PLCG1: variants seen among roughly 807,000 people sequenced by gnomAD.
The protein encoded by PLCG1 is phospholipase C gamma 1.
Under a neutral mutation model 177.8 loss-of-function variants are expected in PLCG1, and 71 were observed. The ratio of observed to expected loss-of-function variants is 0.40; its 90% CI spans 0.33 to 0.49. The LOEUF (loss-of-function observed/expected upper bound fraction) is 0.49. Ranked by LOEUF, PLCG1 falls within the 20% of genes least tolerant of loss-of-function variation. The pLI is 0.72. For synonymous variants in PLCG1, 658 were observed against 647.9 expected (o/e 1.02, Z -0.24); for missense variants, 1,281 against 1,709.0 (o/e 0.75, Z 4.42).
rs1041651989 is a variant in PLCG1, at chr20:41,157,043, G to A, written c.218-2563G>A. 2.6e-5 allele frequency among the ~76,000 whole-genome samples: 4 copies of A among 152,260 alleles called. No homozygotes were observed. Among genetic ancestry groups the A allele is most frequent in the African/African-American group, 7.2e-5 (3 of 41,472 alleles). On this transcript the variant is annotated intron_variant, in intron 1 of 31. Coordinates refer to ENST00000685551, the MANE Select transcript of PLCG1 (RefSeq NM_002660.3). The surrounding 1 kb of genome is among the most constrained non-coding windows in gnomAD (Gnocchi z 5.4). ...CAGGGCCAGGCTGGTGCCTTCTTAC[G>A]GAAGACAGTACAAGGGATCAGGTGT...
In PLCG1 at chr20:41,163,282, C is replaced by T. The variant is rs35029737; in HGVS notation, c.789+7C>T. 8.3e-4 allele frequency: 1,306 copies of T among 1,574,148 alleles called. 19 individuals are homozygous for T. The African/African-American group carries it at 0.016, about 19-fold the overall frequency. On this transcript the variant is annotated splice_region_variant and intron_variant, in intron 8 of 31. Transcript: ENST00000685551. The surrounding 1 kb of genome is among the most constrained non-coding windows in gnomAD (Gnocchi z 5.2). ...CCTTCTTGACTACCAGGGGGTATGGCTGGGCTGACATTGGCCCAGGCTGGT... is the reference window on the plus strand; with the variant it reads ...CCTTCTTGACTACCAGGGGGTATGGTTGGGCTGACATTGGCCCAGGCTGGT...
In PLCG1 at chr20:41,162,636, A is replaced by AT. The variant is rs1568743537; in HGVS notation, c.598-5dup. ...CTGACTGGCACTCCTGCTCTATACC[A>AT]TGCAGGACCTGGAGCAGCGCAGCGG... On this transcript the variant is annotated splice_region_variant and splice_polypyrimidine_tract_variant and intron_variant, in intron 5 of 31. Coordinates refer to ENST00000685551, the MANE Select transcript of PLCG1 (RefSeq NM_002660.3). 2 of 1,612,142 alleles carry AT rather than the reference A, an allele frequency of 1.2e-6. No homozygotes were observed. The highest frequency in any genetic ancestry group is 2.2e-5 in the South Asian group (2 of 91,012).
rs2035151552 is a variant in PLCG1 at position 41,151,027 on chromosome 20, A to G, written c.218-8579A>G. ...TGCCCGATAAATGTTTGATCAGATG[A>G]TGGAATGAATGACTGCATAAGCCGA... On this transcript the variant is annotated intron_variant, in intron 1 of 31. Transcript: ENST00000685551. The surrounding 1 kb of genome is among the most constrained non-coding windows in gnomAD (Gnocchi z 5.5). 6.6e-6 allele frequency among the ~76,000 whole-genome samples: 1 copy of G among 152,204 alleles called. No homozygotes were observed. Among genetic ancestry groups the G allele is most frequent in the Admixed American group, 6.5e-5 (1 of 15,282 alleles).
In PLCG1 at chr20:41,153,591, C is replaced by G. The variant is rs529383314; in HGVS notation, c.218-6015C>G. 6.6e-6 allele frequency among the ~76,000 whole-genome samples: 1 copy of G among 152,152 alleles called. No individual in the cohort carries two copies. Among genetic ancestry groups the G allele is most frequent in the African/African-American group, 2.4e-5 (1 of 41,410 alleles). On this transcript the variant is annotated intron_variant, in intron 1 of 31. Transcript: ENST00000685551. The surrounding 1 kb of genome is among the most constrained non-coding windows in gnomAD (Gnocchi z 5.1). ...GCGTATGCACTTTATAAAGGGAAAA[C>G]CCTCTCTGAAGAGAAATATTTCAGA...
At chr20:41,139,509 G>A (rs1006503637) in intron 1 of PLCG1, among the ~76,000 whole-genome samples, 2 of 152,138 alleles carry the variant, frequency 1.3e-5, no homozygotes, top group African/African-American at 4.8e-5. Flanking sequence ...GTCTGGATTT[G>A]AAGCCCATAT....
chr20:41,145,230 C>T (rs1267389538), intron 1 of PLCG1, among the ~76,000 whole-genome samples: 2 of 152,180 alleles, frequency 1.3e-5, no homozygotes, highest in Non-Finnish European at 2.9e-5. Context: ...AGAGTGGCCT[C>T]AGTGGTTCTG....
In PLCG1 at chr20:41,164,797, C is replaced by A; in HGVS notation, c.1218-136C>A. 1.2e-6 allele frequency: 1 copy of A among 830,906 alleles called. No homozygotes were observed. The highest frequency in any genetic ancestry group is 1.9e-6 in the Non-Finnish European group (1 of 536,792). The allele number at this position is 830,906 out of a possible 1,614,324, so 51.5% of individuals were successfully genotyped here. On this transcript the variant is annotated intron_variant, in intron 12 of 31. Transcript: ENST00000685551. The surrounding 1 kb of genome is among the most constrained non-coding windows in gnomAD (Gnocchi z 6.4). ...CTCTCTGCCCCACCAGTGGCTATGG[C>A]CTGCCTCTTTTCTGGGATAGTTTTT...
In PLCG1 at chr20:41,167,714, A is replaced by G. The variant is rs946236386; in HGVS notation, c.2302-138A>G. On this transcript the variant is annotated intron_variant, in intron 19 of 31. Transcript: ENST00000685551. This position sits in a 1 kb window ranked among gnomAD's most constrained non-coding sequence, Gnocchi z 4.4. ...GCCTGAGGCCTCTGAAGCCGTCTCT[A>G]CTGAGGTCGAAGGATCCCTGTGGAT... The G allele has an allele frequency of 6.6e-5, 44 of 665,970 alleles. No homozygotes were observed. Among genetic ancestry groups the G allele is most frequent in the Non-Finnish European group, 8.7e-5 (32 of 366,222 alleles). The allele number at this position is 665,970 out of a possible 1,614,324, so 41.3% of individuals were successfully genotyped here.
At position 41,166,042 on chromosome 20, in the gene PLCG1, GTTCAT is replaced by G; in HGVS notation, c.1800-151_1800-147del. On this transcript the variant is annotated intron_variant, in intron 16 of 31. Coordinates refer to ENST00000685551, the MANE Select transcript of PLCG1 (RefSeq NM_002660.3). This position sits in a 1 kb window ranked among gnomAD's most constrained non-coding sequence, Gnocchi z 8.6. ...GGTTCATTTGAAGCCCACACCTTTG[GTTCAT>G]GTGACTGCCCACACCTGAGCTCCTC... is the stretch of plus-strand genomic sequence containing the variant. 9.8e-6 allele frequency: 7 copies of G among 716,890 alleles called. No individual in the cohort carries two copies. Among genetic ancestry groups the G allele is most frequent in the South Asian group, 1.8e-5 (1 of 54,100 alleles). 44.4% of individuals were successfully genotyped at this position (716,890 alleles called of 1,614,324 possible).
In PLCG1 at chr20:41,137,748, C is replaced by T; in HGVS notation, c.107C>T (p.Thr36Ile). The part of the protein sequence containing the change: ...CRSLEVGTVM[T>I]LFYSKKSQRP... The stretch of plus-strand genomic sequence containing the variant: ...AGCCTCGAGGTGGGCACCGTCATGA[C>T]TTTGTTCTACTCCAAGAAGTCGCAG... Residue 36 changes from threonine (T) to isoleucine (I), a missense_variant, in exon 1 of 32, where the codon ACT (threonine) becomes ATT (isoleucine). Thr to Ile is a moderately conservative substitution (Grantham distance 89). Around this residue, in one of 4 missense-constraint regions of PLCG1, gnomAD observed 374 missense variants for 443.8 expected, o/e 0.84. Coordinates refer to ENST00000685551, the MANE Select transcript of PLCG1 (RefSeq NM_002660.3). This position sits in a 1 kb window ranked among gnomAD's most constrained non-coding sequence, Gnocchi z 7.3. 7.7e-7 allele frequency: 1 copy of T among 1,294,194 alleles called. No homozygotes were observed. The highest frequency in any genetic ancestry group is 9.9e-7 in the Non-Finnish European group (1 of 1,014,854). The allele number at this position is 1,294,194 out of a possible 1,614,324, so 80.2% of individuals were successfully genotyped here.
chr20:41,160,207 C>G lies in PLCG1; in HGVS notation c.512+54C>G. ...GCAGGGTGGGGATGGGCATCCAGAA[C>G]CTTAGCCAGGCCTCTAAGTAGCTGC... On this transcript the variant is annotated intron_variant, in intron 4 of 31. Coordinates refer to ENST00000685551, the MANE Select transcript of PLCG1 (RefSeq NM_002660.3). The surrounding 1 kb of genome is among the most constrained non-coding windows in gnomAD (Gnocchi z 5.5). 2 of 1,546,348 alleles carry G rather than the reference C, an allele frequency of 1.3e-6. No homozygotes were observed. Among genetic ancestry groups the G allele is most frequent in the Admixed American group, 1.7e-5 (1 of 59,922 alleles).
chr20:41,171,837 G>T (rs372831911), intron 24 of PLCG1, among the ~76,000 whole-genome samples: 1 of 152,168 alleles, frequency 6.6e-6, no homozygotes, highest in African/African-American at 2.4e-5. Flanking sequence ...ACCCCAGCAT[G>T]AGGCTGGGTA....
chr20:41,170,350 C>G, intron 24 of PLCG1, 81 bp downstream of exon 24: 1 of 1,509,140 alleles, frequency 6.6e-7, no homozygotes, highest in Non-Finnish European at 9.1e-7. Flanking sequence ...AGCACAGGCC[C>G]CCTCAGAGCA....
At chr20:41,152,097 G>A (rs184471171) in intron 1 of PLCG1, among the ~76,000 whole-genome samples, 3 of 152,192 alleles carry the variant, frequency 2.0e-5, no homozygotes, top group Admixed American at 1.3e-4. Flanking sequence ...GCTCTCCTAG[G>A]TCCTGGCTGT....
At chr20:41,155,869 A>T (rs903127899) in intron 1 of PLCG1, among the ~76,000 whole-genome samples, 1 of 152,154 alleles carries the variant, frequency 6.6e-6, no homozygotes, top group African/African-American at 2.4e-5. Context: ...CCTGATGGGG[A>T]AACTGAGACC....
At position 41,155,786 on chromosome 20, in the gene PLCG1, G is replaced by A. The variant is rs540652986; in HGVS notation, c.218-3820G>A. Among the ~76,000 whole-genome samples the A allele has an allele frequency of 4.7e-4, 71 of 152,282 alleles. No individual in the cohort carries two copies. In the Middle Eastern group the frequency reaches 0.017, roughly 36 times the overall value. Reference sequence around the variant, plus strand: ...CAGGTAGACAGGTGGGCTGTCTCCAGACTTCTCTATTACCAGCACTTCCCA... The same window carrying A: ...CAGGTAGACAGGTGGGCTGTCTCCAAACTTCTCTATTACCAGCACTTCCCA... On this transcript the variant is annotated intron_variant, in intron 1 of 31. Coordinates refer to ENST00000685551, the MANE Select transcript of PLCG1 (RefSeq NM_002660.3).
chr20:41,169,165 C>T lies in PLCG1; in HGVS notation c.2570C>T (p.Pro857Leu), dbSNP rs754568498. ...ATGGTCAACCCCGTGGCCCTGGAGC[C>T]GGAGAGGGAGGTAAGACCAGAACCA... is the stretch of plus-strand genomic sequence containing the variant. Reference protein sequence around the residue: ...EEMVNPVALEPEREHLDENSP... With the variant: ...EEMVNPVALELEREHLDENSP... Residue 857 changes from proline (P) to leucine (L), a missense_variant, in exon 22 of 32, where the codon CCG becomes CTG. Transcript: ENST00000685551. The T allele has an allele frequency of 1.1e-5, 18 of 1,610,720 alleles. No homozygotes were observed. The highest frequency in any genetic ancestry group is 5.5e-5 in the South Asian group (5 of 91,034).
At chr20:41,141,624 C>T (rs903893611) in intron 1 of PLCG1, among the ~76,000 whole-genome samples, 3 of 152,234 alleles carry the variant, frequency 2.0e-5, no homozygotes, top group African/African-American at 4.8e-5. Flanking sequence ...AGCACATGTC[C>T]GGATCTCCAG....
In PLCG1 at chr20:41,174,794, G is replaced by A. The variant is rs1225595247; in HGVS notation, c.*285G>A. The A allele has an allele frequency of 4.3e-6, 2 of 466,648 alleles. No homozygotes were observed. Among genetic ancestry groups the A allele is most frequent in the Middle Eastern group, 6.0e-4 (1 of 1,670 alleles). The allele number at this position is 466,648 out of a possible 1,614,324, so 28.9% of individuals were successfully genotyped here. On this transcript the variant is annotated 3_prime_UTR_variant, in exon 32 of 32. Coordinates refer to ENST00000685551, the MANE Select transcript of PLCG1 (RefSeq NM_002660.3). This position sits in a 1 kb window ranked among gnomAD's most constrained non-coding sequence, Gnocchi z 5.8. ...CTGGAGATGGATCCTTCCATCTTGT[G>A]GGGCCAGGACCATGGCCGAAGCCCC...
Sources: gnomAD v4.1 joint callset for allele counts (sites outside exome capture counted in the v4.1 genomes callset) on GRCh38, gnomAD v4.1.1 for gene constraint, gnomAD v4.1.1 regional missense constraint, Gnocchi (gnomAD v3.1) non-coding constraint, MANE v1.5 for transcripts, NCBI Gene and HGNC (gene_info 2026-07-23, HGNC 2026-07-21) for gene names.